The following PEX14 variants were observed in gnomAD, a reference collection of about 807,000 sequenced individuals.
PEX14 encodes the protein peroxisomal biogenesis factor 14.
A neutral mutation model predicts 49.5 loss-of-function variants in PEX14; 15 were observed. The observed-to-expected ratio is 0.30, with a 90% confidence interval of 0.20 to 0.47. The LOEUF (loss-of-function observed/expected upper bound fraction) is 0.47, where lower values mean the gene tolerates loss of function less well. Among genes scored for constraint, PEX14 ranks in the 20% least tolerant of loss-of-function variants. The pLI is 1.00. For synonymous variants in PEX14, 210 were observed against 212.7 expected (o/e 0.99, Z 0.11); for missense variants, 398 against 494.8 (o/e 0.80, Z 1.86).
rs199609849 is a variant in PEX14, at chr1:10,599,183, A to G, written c.170-55A>G. The G allele has an allele frequency of 3.3e-4, 522 of 1,586,418 alleles. 5 individuals are homozygous for G. Among genetic ancestry groups the G allele is most frequent in the South Asian group, 3.2e-3 (289 of 90,330 alleles). On this transcript the variant is annotated intron_variant, in intron 3 of 8. Coordinates refer to ENST00000356607, the MANE Select transcript of PEX14 (RefSeq NM_004565.3). ...CTTTGCTCAGTGAAGATTCTGTTGC[A>G]GCTATGGACACTGACAAAAGGTACT... is the stretch of plus-strand genomic sequence containing the variant.
intron 5 of PEX14, among the ~76,000 whole-genome samples, chr1:10,622,640 T>C (rs1641628774): frequency 6.6e-6 from 1 of 152,196 alleles, no homozygotes; most frequent in Non-Finnish European, 1.5e-5. Flanking sequence ...GGCTCCAGCA[T>C]TATCTGTTGC....
intron 4 of PEX14, among the ~76,000 whole-genome samples, chr1:10,599,867 C>T (rs1640933992): frequency 6.6e-6 from 1 of 152,118 alleles, no homozygotes; most frequent in South Asian, 2.1e-4. Flanking sequence ...TAGTAGCGGT[C>T]TGTTAGGGAA....
chr1:10,622,867 CT>C, intron 5 of PEX14, 151 bp from the exon 6 acceptor site: 1 of 685,028 alleles, frequency 1.5e-6, no homozygotes. Context: ...AGTCTCATAA[CT>C]TTTTCAAATA....
chr1:10,606,003 C>T (rs1160491439), intron 4 of PEX14, among the ~76,000 whole-genome samples: 1 of 152,154 alleles, frequency 6.6e-6, no homozygotes, highest in Non-Finnish European at 1.5e-5. Flanking sequence ...TGATCCTTTC[C>T]TTAGGTTTCT....
intron 4 of PEX14, 94 bp from the exon 5 acceptor site, chr1:10,618,238 G>T (rs371526494): frequency 3.4e-6 from 3 of 887,172 alleles, no homozygotes; most frequent in African/African-American, 3.3e-5. Context: ...TGTTGGAGGC[G>T]AGGAGACTGT....
intron 2 of PEX14, among the ~76,000 whole-genome samples, chr1:10,507,129 C>T (rs1641797160): frequency 6.6e-6 from 1 of 152,172 alleles, no homozygotes; most frequent in South Asian, 2.1e-4. Flanking sequence ...TGTTTGATTC[C>T]AACAAATTTG....
intron 4 of PEX14, among the ~76,000 whole-genome samples, chr1:10,608,454 G>A (rs1355556464): frequency 6.6e-6 from 1 of 152,126 alleles, no homozygotes; most frequent in Non-Finnish European, 1.5e-5. Flanking sequence ...CTGAGCTCAG[G>A]AGTTCGAGAC....
chr1:10,511,757 C>G (rs893497526), intron 2 of PEX14, among the ~76,000 whole-genome samples: 1 of 151,936 alleles, frequency 6.6e-6, no homozygotes, highest in African/African-American at 2.4e-5. Flanking sequence ...GATCTCTGAC[C>G]TCTGTGGCCC....
At chr1:10,584,789 A>C (rs1640430922) in intron 3 of PEX14, among the ~76,000 whole-genome samples, 1 of 152,228 alleles carries the variant, frequency 6.6e-6, no homozygotes, top group African/African-American at 2.4e-5. Context: ...AGAAACACTA[A>C]AGGAGTTTTC....
At chr1:10,577,556 ATATATATTTTTTTTTTTTTTTTTTTTT>A (rs1640176398) in intron 3 of PEX14, among the ~76,000 whole-genome samples, 1 of 5,890 alleles carries the variant, frequency 1.7e-4, no homozygotes, top group African/African-American at 3.7e-4. Flanking sequence ...ATATATATAT[ATATATATTTTTTTTTTTTTTTTTTTTT>A]TTTTTTTTTT....
chr1:10,575,618 A>G (rs1329915274), intron 3 of PEX14, among the ~76,000 whole-genome samples: 3 of 152,260 alleles, frequency 2.0e-5, no homozygotes, highest in Non-Finnish European at 4.4e-5. Flanking sequence ...GGAAAATTTA[A>G]AACACTCTTC....
At chr1:10,481,765 C>T (rs1641287138) in intron 1 of PEX14, among the ~76,000 whole-genome samples, 1 of 151,514 alleles carries the variant, frequency 6.6e-6, no homozygotes, top group African/African-American at 2.4e-5. Flanking sequence ...TTTATTATCA[C>T]TGCTTTATAC....
intron 2 of PEX14, among the ~76,000 whole-genome samples, chr1:10,530,920 A>G (rs1370791369): frequency 6.6e-6 from 1 of 152,114 alleles, no homozygotes; most frequent in Non-Finnish European, 1.5e-5. Flanking sequence ...GCATACTTGT[A>G]GATTTTTCTT....
chr1:10,555,918 G>A (rs1170404928), intron 3 of PEX14, among the ~76,000 whole-genome samples: 1 of 152,128 alleles, frequency 6.6e-6, no homozygotes, highest in Non-Finnish European at 1.5e-5. Context: ...TACAGAGAAA[G>A]ACACAAGCAT....
chr1:10,603,029 G>C (rs1235174785), intron 4 of PEX14, among the ~76,000 whole-genome samples: 1 of 152,206 alleles, frequency 6.6e-6, no homozygotes, highest in Non-Finnish European at 1.5e-5. Context: ...AGGGAGCCCA[G>C]TGCTCTTCAC....
At chr1:10,616,606 T>C (rs917550584) in intron 4 of PEX14, among the ~76,000 whole-genome samples, 1 of 152,132 alleles carries the variant, frequency 6.6e-6, no homozygotes, top group Non-Finnish European at 1.5e-5. Flanking sequence ...GACAGATCCT[T>C]CGGGGGGAGG....
rs559728754 is a variant in PEX14, at chr1:10,606,877, A to C, written c.298+7511A>C. On this transcript the variant is annotated intron_variant, in intron 4 of 8. Transcript: ENST00000356607. ...TTTTTATTTTTTAAAAGTCTTATTG[A>C]GATGTAATTTACGTAAAATAAAATA... Among the ~76,000 whole-genome samples, 6 of 152,288 alleles carry C rather than the reference A, an allele frequency of 3.9e-5. No individual in the cohort carries two copies. In the South Asian group the frequency reaches 1.2e-3, roughly 32 times the overall value.
At chr1:10,523,127 G>C (rs1213397578) in intron 2 of PEX14, among the ~76,000 whole-genome samples, 1 of 151,844 alleles carries the variant, frequency 6.6e-6, no homozygotes, top group Non-Finnish European at 1.5e-5. Context: ...TTTGCTGTTG[G>C]GCTTTTTTTT....
chr1:10,558,500 C>T (rs1035004293), intron 3 of PEX14, among the ~76,000 whole-genome samples: 6 of 151,760 alleles, frequency 4.0e-5, no homozygotes, highest in East Asian at 1.9e-4. Context: ...TTTGGGAGGC[C>T]GAGACAGGTA....
Sources: allele counts gnomAD v4.1 joint callset (sites outside exome capture counted in the v4.1 genomes callset), GRCh38; gene constraint gnomAD v4.1.1; transcripts MANE v1.5; gene names NCBI Gene and HGNC (gene_info 2026-07-23, HGNC 2026-07-21).